The following DKK3 variants were observed in gnomAD, a reference collection of about 807,000 sequenced individuals.
DKK3 encodes dickkopf Wnt signaling pathway inhibitor 3.
Under a neutral mutation model 33.2 loss-of-function variants are expected in DKK3, and 22 were observed. The ratio of observed to expected loss-of-function variants is 0.66; its 90% CI spans 0.47 to 0.95. DKK3 has a LOEUF of 0.95. Ranked by LOEUF, DKK3 falls within the 40% of genes least tolerant of loss-of-function variation. DKK3 has a pLI of 0.00. For missense variants in DKK3, 398 were observed against 458.4 expected (o/e 0.87, Z 1.20); for synonymous variants, 194 against 188.8 (o/e 1.03, Z -0.23).
intron 3 of DKK3, among the ~76,000 whole-genome samples, chr11:11,997,741 G>A (rs1848329233): frequency 1.3e-5 from 2 of 152,162 alleles, no homozygotes; most frequent in East Asian, 1.9e-4. Context: ...GTAAAAGTCG[G>A]CCAGCTCCCG....
At position 11,964,047 on chromosome 11, in the gene DKK3, T is replaced by A. The variant is rs1237993521; in HGVS notation, c.*417A>T. 5.4e-6 allele frequency: 1 copy of A among 185,660 alleles called. No homozygotes were observed. Among genetic ancestry groups the A allele is most frequent in the Admixed American group, 5.4e-5 (1 of 18,478 alleles). The allele number at this position is 185,660 out of a possible 1,614,324, so 11.5% of individuals were successfully genotyped here. A position where few individuals can be genotyped will look rare whatever the true frequency, so the allele number is the denominator to read the frequency against. On this transcript the variant is annotated 3_prime_UTR_variant, in exon 7 of 7. Transcript: ENST00000683431. ...TGCGTGGAAAATTCATTTGTTGCAT[T>A]TTTGCCAGGTTGATGTTTGCAAAGC...
At chr11:11,972,798 C>A (rs1044285271) in intron 3 of DKK3, among the ~76,000 whole-genome samples, 2 of 152,172 alleles carry the variant, frequency 1.3e-5, no homozygotes, top group Non-Finnish European at 2.9e-5. Context: ...GTTAAAGGGG[C>A]CTCAGCACCC....
At position 11,995,093 on chromosome 11, in the gene DKK3, G is replaced by A. The variant is rs560036290; in HGVS notation, c.435+3603C>T. Among the ~76,000 whole-genome samples, 110 of 152,132 alleles carry A rather than the reference G, an allele frequency of 7.2e-4. 1 individual carries two copies. The highest frequency in any genetic ancestry group is 1.1e-3 in the Non-Finnish European group (72 of 67,978). On this transcript the variant is annotated intron_variant, in intron 3 of 6. Coordinates refer to ENST00000683431, the MANE Select transcript of DKK3 (RefSeq NM_001018057.2). The stretch of plus-strand genomic sequence containing the variant: ...GGCCTCAGAAGTCTGTTGTTTGTTT[G>A]TTTCTAGAGACAGGGTATTCCTGTC...
At chr11:11,968,087 G>T (rs1847640243) in intron 4 of DKK3, among the ~76,000 whole-genome samples, 1 of 152,174 alleles carries the variant, frequency 6.6e-6, no homozygotes, top group Admixed American at 6.5e-5. Flanking sequence ...AAAGTGCTGG[G>T]ATTACAGGTG....
chr11:11,969,213 A>G (rs1219963337), intron 3 of DKK3, among the ~76,000 whole-genome samples: 1 of 152,170 alleles, frequency 6.6e-6, no homozygotes, highest in Non-Finnish European at 1.5e-5. Context: ...GTGACCTGCC[A>G]TGGTCGCCGG....
chr11:11,982,098 A>C (rs1847966696), intron 3 of DKK3, among the ~76,000 whole-genome samples: 1 of 152,136 alleles, frequency 6.6e-6, no homozygotes, highest in South Asian at 2.1e-4. Flanking sequence ...TCTTTTAAAA[A>C]ATAAGCGTTC....
At position 12,008,252 on chromosome 11, in the gene DKK3, C is replaced by A; in HGVS notation, c.213+118G>T. ...GGTCACTCCGCATCTGCTGTCGGCC[C>A]TTCCCAGGCCCTGCGCGGGACCCGA... On this transcript the variant is annotated intron_variant, in intron 1 of 6. Coordinates refer to ENST00000683431, the MANE Select transcript of DKK3 (RefSeq NM_001018057.2). This position sits in a 1 kb window ranked among gnomAD's most constrained non-coding sequence, Gnocchi z 4.6. 2 of 1,343,552 alleles carry A rather than the reference C, an allele frequency of 1.5e-6. No individual in the cohort carries two copies. Among genetic ancestry groups the A allele is most frequent in the African/African-American group, 1.5e-5 (1 of 67,640 alleles). 83.2% of individuals were successfully genotyped at this position (1,343,552 alleles called of 1,614,324 possible).
chr11:11,989,046 A>G (rs559548992), intron 3 of DKK3, among the ~76,000 whole-genome samples: 1 of 152,326 alleles, frequency 6.6e-6, no homozygotes, highest in East Asian at 1.9e-4. Flanking sequence ...TAGTGCCTAC[A>G]GTCATGAAGA....
chr11:12,002,038 T>C (rs745866638), intron 2 of DKK3: 9 of 347,092 alleles, frequency 2.6e-5, no homozygotes, highest in Non-Finnish European at 4.2e-5. Flanking sequence ...TGATAATCCC[T>C]GGACATTCCT....
intron 3 of DKK3, among the ~76,000 whole-genome samples, chr11:11,973,659 T>C (rs1847772243): frequency 6.6e-6 from 1 of 152,150 alleles, no homozygotes; most frequent in South Asian, 2.1e-4. Flanking sequence ...TTTAGAAAGC[T>C]CAGAAGCTGG....
At chr11:11,975,014 A>G (rs763130537) in intron 3 of DKK3, among the ~76,000 whole-genome samples, 8 of 152,216 alleles carry the variant, frequency 5.3e-5, no homozygotes, top group Non-Finnish European at 1.2e-4. Context: ...TTACACACAC[A>G]TTCATAAGAG....
chr11:11,987,617 T>G (rs1327944653), intron 3 of DKK3, among the ~76,000 whole-genome samples: 1 of 151,984 alleles, frequency 6.6e-6, no homozygotes, highest in Admixed American at 6.6e-5. Context: ...TGCCCGGAGG[T>G]GGGGTATGGC....
At chr11:12,000,909 T>C (rs2133328043) in intron 2 of DKK3, among the ~76,000 whole-genome samples, 1 of 152,288 alleles carries the variant, frequency 6.6e-6, no homozygotes, top group Non-Finnish European at 1.5e-5. Flanking sequence ...ATAAGAACAG[T>C]GGTTTTTGCA....
chr11:12,002,560 C>G, intron 1 of DKK3, 123 bp from the exon 2 acceptor site: 1 of 1,034,540 alleles, frequency 9.7e-7, no homozygotes, highest in Non-Finnish European at 1.4e-6. Context: ...ATGATAGGTG[C>G]TATTAATTGA....
rs191267839 is a variant in DKK3 at position 12,000,450 on chromosome 11, G to A, written c.352-1671C>T. Reference sequence around the variant, plus strand: ...TCGAGCTCCTGATCTCAGGTGATCCGCCCGCCTTGGCCTCCCAAAGTGCTG... The same window carrying A: ...TCGAGCTCCTGATCTCAGGTGATCCACCCGCCTTGGCCTCCCAAAGTGCTG... On this transcript the variant is annotated intron_variant, in intron 2 of 6. Transcript: ENST00000683431. Among the ~76,000 whole-genome samples, 586 of 148,568 alleles carry A rather than the reference G, an allele frequency of 3.9e-3. 1 individual carries two copies. Among genetic ancestry groups the A allele is most frequent in the South Asian group, 7.6e-3 (35 of 4,600 alleles).
chr11:12,002,373 C>T lies in DKK3; in HGVS notation c.278G>A (p.Ser93Asn). 1 of 1,614,002 alleles carries T rather than the reference C, an allele frequency of 6.2e-7. No homozygotes were observed. ...GTCTGTGTTGGTCTCATTGTGATAGCTGGGAGGTAAGTTTGCCAGGTTCAC... is the reference window on the plus strand; with the variant it reads ...GTCTGTGTTGGTCTCATTGTGATAGTTGGGAGGTAAGTTTGCCAGGTTCAC... ...SEVNLANLPP[S>N]YHNETNTDTK... Residue 93 changes from serine (S) to asparagine (N), a missense_variant, in exon 2 of 7, where the codon AGC becomes AAC. Coordinates refer to ENST00000683431, the MANE Select transcript of DKK3 (RefSeq NM_001018057.2).
At chr11:11,982,082 A>G (rs908210705) in intron 3 of DKK3, among the ~76,000 whole-genome samples, 2 of 152,230 alleles carry the variant, frequency 1.3e-5, no homozygotes, top group South Asian at 2.1e-4. Context: ...GTCCATGGTG[A>G]GGGCCTCTTT....
At chr11:11,998,380 C>A in intron 3 of DKK3, 1 of 450,496 alleles carries the variant, frequency 2.2e-6, no homozygotes, top group South Asian at 2.5e-5. Context: ...ACCTGATATA[C>A]CAGGTCTGTC....
At chr11:11,987,874 C>T (rs1364617898) in intron 3 of DKK3, among the ~76,000 whole-genome samples, 1 of 152,220 alleles carries the variant, frequency 6.6e-6, no homozygotes, top group Non-Finnish European at 1.5e-5. Context: ...AACATATTTA[C>T]TGATTCATCA....
Sources: gnomAD v4.1 joint callset for allele counts (sites outside exome capture counted in the v4.1 genomes callset) on GRCh38, gnomAD v4.1.1 for gene constraint, Gnocchi (gnomAD v3.1) non-coding constraint, MANE v1.5 for transcripts, NCBI Gene and HGNC (gene_info 2026-07-23, HGNC 2026-07-21) for gene names.